FAM193A: variants seen among roughly 807,000 people sequenced by gnomAD.
FAM193A encodes protein FAM193A.
A neutral mutation model predicts 126.5 loss-of-function variants in FAM193A; 22 were observed. That is an observed-to-expected ratio of 0.17 (90% CI 0.12 to 0.25). FAM193A has a LOEUF of 0.25. Among genes scored for constraint, FAM193A ranks in the 10% least tolerant of loss-of-function variants. FAM193A has a pLI of 1.00. For synonymous variants in FAM193A, 761 were observed against 646.8 expected (o/e 1.18, Z -2.68); for missense variants, 1,675 against 1,672.8 (o/e 1.00, Z -0.02).
chr4:2,632,580 G>T (rs2109003856), intron 5 of FAM193A, among the ~76,000 whole-genome samples: 1 of 150,792 alleles, frequency 6.6e-6, no homozygotes, highest in African/African-American at 2.4e-5. Context: ...ACATGTAATT[G>T]TAAGTCATTT....
chr4:2,602,416 G>A (rs1374188723), intron 2 of FAM193A, among the ~76,000 whole-genome samples: 1 of 147,088 alleles, frequency 6.8e-6, no homozygotes, highest in Non-Finnish European at 1.5e-5. Flanking sequence ...GTGCAGTTGT[G>A]TGATCTCGGC....
At chr4:2,549,113 A>G (rs1436136230) in intron 1 of FAM193A, among the ~76,000 whole-genome samples, 1 of 150,488 alleles carries the variant, frequency 6.6e-6, no homozygotes, top group Non-Finnish European at 1.5e-5. Flanking sequence ...TAATTTTTGT[A>G]TATTTAGTAG....
intron 1 of FAM193A, among the ~76,000 whole-genome samples, chr4:2,542,653 C>T (rs186889240): frequency 1.3e-3 from 198 of 152,224 alleles, no homozygotes; most frequent in African/African-American, 4.5e-3. Context: ...CAAAATGGCA[C>T]CCAAAACAGT....
chr4:2,728,103 G>T (rs1720958615), intron 20 of FAM193A, among the ~76,000 whole-genome samples: 1 of 151,922 alleles, frequency 6.6e-6, no homozygotes, highest in Non-Finnish European at 1.5e-5. Context: ...GGCTAATTTT[G>T]TATTTTTAGT....
At chr4:2,591,690 A>T (rs539794044) in intron 1 of FAM193A, among the ~76,000 whole-genome samples, 124 of 152,296 alleles carry the variant, frequency 8.1e-4, no homozygotes, top group South Asian at 1.9e-3. Context: ...CTGGGTTTTC[A>T]TGTTTAATTT....
Position 2,596,305 on chromosome 4 carries a change from G to A in FAM193A, c.477G>A (p.Arg159=). The part of the protein sequence containing the change: ...DCRRTVEKEE[R]HGGLDQPVSQ... ...GCAGGACCGTGGAGAAGGAGGAGAG[G>A]CATGGCGGCCTTGACCAGCCAGTGG... The change falls in exon 2 of 21, where the codon AGG becomes AGA. Residue 159 remains arginine (R), a synonymous_variant. Coordinates refer to ENST00000637812, the MANE Select transcript of FAM193A (RefSeq NM_001366318.2). The A allele has an allele frequency of 1.4e-6, 1 of 702,720 alleles. No homozygotes were observed. Among genetic ancestry groups the A allele is most frequent in the Non-Finnish European group, 2.6e-6 (1 of 384,994 alleles). 43.5% of individuals were successfully genotyped at this position (702,720 alleles called of 1,614,324 possible). A position where few individuals can be genotyped will look rare whatever the true frequency, so the allele number is the denominator to read the frequency against.
chr4:2,692,210 A>C (rs1716467805), intron 15 of FAM193A, among the ~76,000 whole-genome samples: 1 of 152,198 alleles, frequency 6.6e-6, no homozygotes, highest in Admixed American at 6.5e-5. Context: ...GGAAATTTAC[A>C]ATCATGGTGG....
At position 2,659,046 on chromosome 4, in the gene FAM193A, C is replaced by T. The variant is rs34967715; in HGVS notation, c.1390-512C>T. 9.0e-3 allele frequency among the ~76,000 whole-genome samples: 1,375 copies of T among 152,310 alleles called. 8 individuals are homozygous for T. Among genetic ancestry groups the T allele is most frequent in the Non-Finnish European group, 0.012 (823 of 68,032 alleles). On this transcript the variant is annotated intron_variant, in intron 8 of 20. Coordinates refer to ENST00000637812, the MANE Select transcript of FAM193A (RefSeq NM_001366318.2). ...GATTACAGGCGTGAGCCACCTTTCCCGGCCATCCCGTCCTTTTGAGTGGCC... is the reference window on the plus strand; with the variant it reads ...GATTACAGGCGTGAGCCACCTTTCCTGGCCATCCCGTCCTTTTGAGTGGCC...
At chr4:2,539,207 T>G in intron 1 of FAM193A, among the ~76,000 whole-genome samples, 1 of 152,152 alleles carries the variant, frequency 6.6e-6, no homozygotes, top group Non-Finnish European at 1.5e-5. Flanking sequence ...TTTATTATTT[T>G]TGTCGCGTTA....
Position 2,700,180 on chromosome 4 carries a change from C to T in FAM193A, c.4008C>T (p.Gly1336=), listed in dbSNP as rs571293848. 9.8e-5 allele frequency: 158 copies of T among 1,613,662 alleles called. No individual in the cohort carries two copies. The East Asian group carries it at 1.7e-3, about 18-fold the overall frequency. The change falls in exon 19 of 21, where the codon GGC becomes GGT. Residue 1336 remains glycine, a synonymous_variant. Coordinates refer to ENST00000637812, the MANE Select transcript of FAM193A (RefSeq NM_001366318.2). The part of the protein sequence containing the change: ...DIMQHHKEGN[G]KQKLRQTSKA... The stretch of plus-strand genomic sequence containing the variant: ...TGCAGCACCATAAAGAAGGAAATGG[C>T]AAGCAGAAGCTGAGGCAGACCAGCA...
chr4:2,665,265 T>C (rs1712982761), intron 12 of FAM193A, among the ~76,000 whole-genome samples: 1 of 152,222 alleles, frequency 6.6e-6, no homozygotes. Flanking sequence ...TGATCATTGG[T>C]AATACATAGA....
At chr4:2,623,652 C>A (rs1299094972) in intron 2 of FAM193A, among the ~76,000 whole-genome samples, 1 of 152,164 alleles carries the variant, frequency 6.6e-6, no homozygotes, top group African/African-American at 2.4e-5. Context: ...AGCATCTGAA[C>A]AGACCTTGCC....
intron 20 of FAM193A, among the ~76,000 whole-genome samples, chr4:2,728,887 C>T (rs76132906): frequency 0.042 from 6,141 of 147,106 alleles, 455 homozygotes; most frequent in African/African-American, 0.14. Flanking sequence ...ATATGTTCCA[C>T]CTCCAAAACT....
At position 2,700,373 on chromosome 4, in the gene FAM193A, AAGC is replaced by A. The variant is rs1577232036; in HGVS notation, c.4205_4207del (p.Gln1402del). 6.2e-7 allele frequency: 1 copy of A among 1,614,128 alleles called. No homozygotes were observed. The highest frequency in any genetic ancestry group is 8.5e-7 in the Non-Finnish European group (1 of 1,180,022). ...AGTCAACAGTAATAACAATAACAAA[AAGC>A]AGCTGAACCACATCAAGGACGAAAA... On this transcript the variant is annotated inframe_deletion, in exon 19 of 21. Transcript: ENST00000637812.
chr4:2,590,486 CAAA>C (rs746750683), intron 1 of FAM193A, among the ~76,000 whole-genome samples: 7 of 38,012 alleles, frequency 1.8e-4, no homozygotes, highest in Non-Finnish European at 2.4e-4. Context: ...CAAAAAAAAA[CAAA>C]AAAAAACAAA....
chr4:2,535,820 G>T (rs1034645387), upstream of FAM193A, among the ~76,000 whole-genome samples: 4 of 152,208 alleles, frequency 2.6e-5, no homozygotes, highest in Non-Finnish European at 5.9e-5. Flanking sequence ...ATAGCAGGGA[G>T]AGGGCGGGCT....
chr4:2,572,342 A>AAT (rs1739342787), intron 1 of FAM193A, among the ~76,000 whole-genome samples: 1 of 151,620 alleles, frequency 6.6e-6, no homozygotes, highest in African/African-American at 2.4e-5. Context: ...AAAAAAAAAA[A>AAT]AAGTCCAAGG....
chr4:2,559,209 A>G (rs951966165), intron 1 of FAM193A, among the ~76,000 whole-genome samples: 6 of 152,202 alleles, frequency 3.9e-5, no homozygotes, highest in Non-Finnish European at 5.9e-5. Context: ...TGGTCAAATC[A>G]TAGATGCATA....
chr4:2,535,908 C>A (rs1736848062), upstream of FAM193A, among the ~76,000 whole-genome samples: 1 of 152,276 alleles, frequency 6.6e-6, no homozygotes, highest in East Asian at 1.9e-4. Context: ...GTCCAAGATT[C>A]GCCGGCTCCG....
Sources: gnomAD v4.1 joint callset for allele counts (sites outside exome capture counted in the v4.1 genomes callset) on GRCh38, gnomAD v4.1.1 for gene constraint, MANE v1.5 for transcripts, NCBI Gene and HGNC (gene_info 2026-07-23, HGNC 2026-07-21) for gene names.